AP2A2: variants seen among roughly 807,000 people sequenced by gnomAD.
The protein encoded by AP2A2 is AP-2 complex subunit alpha-2.
AP2A2 carries 32 observed loss-of-function variants against 104.2 expected under a neutral mutation model. The ratio of observed to expected loss-of-function variants is 0.31; its 90% confidence interval spans 0.23 to 0.41. The LOEUF (loss-of-function observed/expected upper bound fraction) is 0.41. AP2A2 is among the 10% of genes least tolerant of loss of function. The pLI is 1.00. For synonymous variants in AP2A2, 539 were observed against 533.3 expected, an observed-to-expected ratio of 1.01 and a Z score of -0.15; for missense variants, 912 against 1,261.0, an observed-to-expected ratio of 0.72 and a Z score of 4.19.
chr11:941,574 G>A (rs1853644178), intron 1 of AP2A2, among the ~76,000 whole-genome samples: 1 of 151,794 alleles, frequency 6.6e-6, no homozygotes, highest in Non-Finnish European at 1.5e-5. Flanking sequence ...GAGCCACTGT[G>A]GCTGGCTGCT....
At chr11:1,004,515 C>T (rs1158931634) in intron 16 of AP2A2, among the ~76,000 whole-genome samples, 2 of 151,520 alleles carry the variant, frequency 1.3e-5, no homozygotes, top group Non-Finnish European at 2.9e-5. Flanking sequence ...GTGACTTAGG[C>T]CTATAATTCC....
chr11:988,522 C>T (rs1855539124), intron 9 of AP2A2, 30 bp from the exon 10 acceptor site: 4 of 1,600,852 alleles, frequency 2.5e-6, no homozygotes, highest in Non-Finnish European at 3.4e-6. Context: ...CTTGCTCCTG[C>T]GACCTCTTAC....
chr11:1,009,576 G>A, intron 20 of AP2A2, 107 bp from the exon 21 acceptor site: 1 of 1,055,948 alleles, frequency 9.5e-7, no homozygotes, highest in Non-Finnish European at 1.3e-6. Flanking sequence ...CGGCCCCGGG[G>A]GACACGCAGC....
Position 994,067 on chromosome 11 carries a change from CCA to C in AP2A2, c.1783-4_1783-3del. 6 of 1,612,412 alleles carry C rather than the reference CCA, an allele frequency of 3.7e-6. No individual in the cohort carries two copies. Among genetic ancestry groups the C allele is most frequent in the Non-Finnish European group, 5.1e-6 (6 of 1,179,568 alleles). ...TGACCAGTCCCACCCTGTGTTCTTT[CCA>C]AGGCGACCGTGCTGGAGGAGATGCC... On this transcript the variant is annotated splice_polypyrimidine_tract_variant and splice_region_variant and intron_variant, in intron 13 of 21. Coordinates refer to ENST00000448903, the MANE Select transcript of AP2A2 (RefSeq NM_012305.4).
intron 16 of AP2A2, among the ~76,000 whole-genome samples, chr11:1,005,066 C>T (rs909596459): frequency 2.0e-5 from 3 of 152,232 alleles, no homozygotes; most frequent in East Asian, 1.9e-4. Flanking sequence ...TCACAATCAC[C>T]GAAAGTTAGA....
chr11:929,199 G>A (rs1443697400), intron 1 of AP2A2, among the ~76,000 whole-genome samples: 2 of 152,198 alleles, frequency 1.3e-5, no homozygotes, highest in African/African-American at 4.8e-5. Flanking sequence ...TGACCTCCAT[G>A]TCACAGGCAG....
chr11:1,006,086 G>A (rs1856193112), intron 16 of AP2A2, among the ~76,000 whole-genome samples: 1 of 152,254 alleles, frequency 6.6e-6, no homozygotes, highest in Admixed American at 6.5e-5. Context: ...GGCAGCCGGG[G>A]CCGGTGCGTG....
At chr11:955,063 G>A (rs896811793) in intron 1 of AP2A2, among the ~76,000 whole-genome samples, 7 of 152,188 alleles carry the variant, frequency 4.6e-5, no homozygotes, top group Non-Finnish European at 8.8e-5. Context: ...CCCTCAGAGT[G>A]GTTTCTTTCC....
rs765661614 is a variant in AP2A2, at chr11:992,476, C to T, written c.1270-27C>T. 33 of 1,560,934 alleles carry T rather than the reference C, an allele frequency of 2.1e-5. No individual in the cohort carries two copies. Among genetic ancestry groups the T allele is most frequent in the East Asian group, 2.4e-5 (1 of 41,772 alleles). Reference sequence around the variant, plus strand: ...TGGGATTGCCATGGCCTGCAGGTGCCGGCCCTCAGCAGCCTGTCCCCCACA... The same window carrying T: ...TGGGATTGCCATGGCCTGCAGGTGCTGGCCCTCAGCAGCCTGTCCCCCACA... On this transcript the variant is annotated intron_variant, in intron 10 of 21. Transcript: ENST00000448903. The surrounding 1 kb of genome is among the most constrained non-coding windows in gnomAD (Gnocchi z 6.4).
intron 1 of AP2A2, among the ~76,000 whole-genome samples, chr11:935,112 G>T (rs1241326779): frequency 6.7e-6 from 1 of 150,112 alleles, no homozygotes; most frequent in Non-Finnish European, 1.5e-5. Flanking sequence ...AGAGTGCAGT[G>T]GTGCGATCTC....
chr11:987,176 A>G (rs1179159763), intron 9 of AP2A2, among the ~76,000 whole-genome samples: 2 of 152,206 alleles, frequency 1.3e-5, no homozygotes, highest in East Asian at 3.8e-4. Context: ...GGTTAGGCTG[A>G]GCAGAGGAGT....
At chr11:983,137 C>T (rs2133698589) in intron 6 of AP2A2, among the ~76,000 whole-genome samples, 1 of 150,210 alleles carries the variant, frequency 6.7e-6, no homozygotes, top group South Asian at 2.1e-4. Flanking sequence ...CCTACCTCAG[C>T]CTCCCGAGTA....
At chr11:981,378 C>T (rs1164330310) in intron 6 of AP2A2, 79 bp downstream of exon 6, 3 of 1,221,626 alleles carry the variant, frequency 2.5e-6, no homozygotes, top group East Asian at 2.5e-5. Flanking sequence ...TTGTAGAATG[C>T]AAGGTATTTG....
At chr11:927,505 T>G (rs1044202218) in intron 1 of AP2A2, among the ~76,000 whole-genome samples, 5 of 141,034 alleles carry the variant, frequency 3.5e-5, no homozygotes, top group African/African-American at 1.3e-4. Context: ...CTTCCTGTAC[T>G]CTGTTAAAAA....
Position 968,873 on chromosome 11 carries a change from G to A in AP2A2, c.137-1296G>A, listed in dbSNP as rs1053388373. Among the ~76,000 whole-genome samples the A allele has an allele frequency of 6.6e-6, 1 of 152,312 alleles. No homozygotes were observed. The highest frequency in any genetic ancestry group is 1.5e-5 in the Non-Finnish European group (1 of 68,024). On this transcript the variant is annotated intron_variant, in intron 2 of 21. Coordinates refer to ENST00000448903, the MANE Select transcript of AP2A2 (RefSeq NM_012305.4). The surrounding 1 kb of genome is among the most constrained non-coding windows in gnomAD (Gnocchi z 4.2). ...TATGTTAATTTGCCGCTGACAAGGA[G>A]GGGGGTTTCTCATGAGCTCCTCAGA...
intron 6 of AP2A2, among the ~76,000 whole-genome samples, chr11:983,668 C>A (rs1294707319): frequency 6.6e-6 from 1 of 152,134 alleles, no homozygotes; most frequent in Non-Finnish European, 1.5e-5. Context: ...CAGGCGGGAG[C>A]CACCGCACCT....
chr11:995,271 G>A (rs1024255723), intron 14 of AP2A2: 3 of 455,538 alleles, frequency 6.6e-6, no homozygotes, highest in Non-Finnish European at 1.3e-5. Flanking sequence ...GTTAGGTCTG[G>A]TTTTCCTTGT....
At chr11:972,743 A>G (rs1390840247) in intron 4 of AP2A2, among the ~76,000 whole-genome samples, 1 of 152,226 alleles carries the variant, frequency 6.6e-6, no homozygotes, top group Non-Finnish European at 1.5e-5. Flanking sequence ...TTAAAGTGCA[A>G]TCTAATACCA....
intron 1 of AP2A2, among the ~76,000 whole-genome samples, chr11:930,141 A>G (rs2134448870): frequency 6.6e-6 from 1 of 151,150 alleles, no homozygotes; most frequent in East Asian, 1.9e-4. Context: ...AAAAAAAAAA[A>G]AAGCCCTGTG....
Sources: gnomAD v4.1 joint callset for allele counts (sites outside exome capture counted in the v4.1 genomes callset) on GRCh38, gnomAD v4.1.1 for gene constraint, Gnocchi (gnomAD v3.1) non-coding constraint, MANE v1.5 for transcripts, NCBI Gene and HGNC (gene_info 2026-07-23, HGNC 2026-07-21) for gene names.